Variants in PHF21A observed in about 807,000 individuals in gnomAD.
PHF21A encodes the protein BHC80a.
PHF21A carries 11 observed loss-of-function variants against 82.5 expected under a neutral mutation model. The ratio of observed to expected loss-of-function variants is 0.13; its 90% CI spans 0.08 to 0.22. The LOEUF (loss-of-function observed/expected upper bound fraction) is 0.22. PHF21A is among the 10% of genes least tolerant of loss of function. The probability of loss-of-function intolerance (pLI) is 1.00; values close to 1 mark genes in which losing one functional copy is unlikely to be tolerated. For missense variants in PHF21A, 579 were observed against 837.8 expected (o/e 0.69, Z 3.81); for synonymous variants, 297 against 302.8 (o/e 0.98, Z 0.20).
chr11:45,949,290 G>T, intron 13 of PHF21A, 112 bp downstream of exon 13: 1 of 871,390 alleles, frequency 1.1e-6, no homozygotes, highest in Non-Finnish European at 1.9e-6. Flanking sequence ...CACAGAACTG[G>T]CCAAGTACAA....
At chr11:45,947,109 T>C (rs2091411414) in intron 14 of PHF21A, among the ~76,000 whole-genome samples, 1 of 152,192 alleles carries the variant, frequency 6.6e-6, no homozygotes, top group South Asian at 2.1e-4. Flanking sequence ...TCAGCACTCC[T>C]AACTGAGAGA....
intron 6 of PHF21A, among the ~76,000 whole-genome samples, chr11:45,998,467 AT>A (rs2094988488): frequency 6.6e-6 from 1 of 152,182 alleles, no homozygotes; most frequent in Non-Finnish European, 1.5e-5. Flanking sequence ...TTCCACATCT[AT>A]TTTAGGAAAC....
intron 6 of PHF21A, chr11:46,049,564 A>C: frequency 4.4e-6 from 2 of 450,102 alleles, no homozygotes; most frequent in Non-Finnish European, 8.9e-6. Context: ...AAGGAGGGAT[A>C]GAAAGAGGAT....
intron 3 of PHF21A, among the ~76,000 whole-genome samples, chr11:46,086,366 G>C (rs976259367): frequency 1.3e-5 from 2 of 152,066 alleles, no homozygotes; most frequent in African/African-American, 4.8e-5. Context: ...TGATCCGCCC[G>C]TCCTGGCCTC....
intron 1 of PHF21A, among the ~76,000 whole-genome samples, chr11:46,113,290 T>C (rs980932631): frequency 6.6e-6 from 1 of 152,198 alleles, no homozygotes; most frequent in East Asian, 1.9e-4. Flanking sequence ...TATCAGAGTC[T>C]AATCAAATTT....
At chr11:46,009,919 G>C (rs527392286) in intron 6 of PHF21A, among the ~76,000 whole-genome samples, 1 of 152,322 alleles carries the variant, frequency 6.6e-6, no homozygotes, top group East Asian at 1.9e-4. Flanking sequence ...CCTTGAAACA[G>C]ATAAAGGGGC....
At chr11:45,964,230 T>TAATAATAATAATAAC (rs1359363051) in intron 10 of PHF21A, among the ~76,000 whole-genome samples, 6 of 148,372 alleles carry the variant, frequency 4.0e-5, no homozygotes, top group Non-Finnish European at 5.9e-5. Context: ...ATAATAATAA[T>TAATAATAATAATAAC]AATAATTTAT....
At chr11:46,034,220 C>CT (rs2095934210) in intron 6 of PHF21A, among the ~76,000 whole-genome samples, 2 of 146,728 alleles carry the variant, frequency 1.4e-5, no homozygotes, top group East Asian at 3.0e-4. Flanking sequence ...TTAGTGCCCC[C>CT]ACCCCCCCCT....
chr11:46,079,890 A>G (rs773420254), intron 4 of PHF21A, among the ~76,000 whole-genome samples: 2 of 152,072 alleles, frequency 1.3e-5, no homozygotes, highest in Non-Finnish European at 2.9e-5. Flanking sequence ...GGAAAGGAAA[A>G]GAAAGGAAAG....
chr11:45,969,182 A>G (rs1200081459), intron 9 of PHF21A, among the ~76,000 whole-genome samples: 1 of 152,174 alleles, frequency 6.6e-6, no homozygotes, highest in Non-Finnish European at 1.5e-5. Context: ...CTTCCTACCA[A>G]GGAAGTCAAC....
rs551650500 is a variant in PHF21A, at chr11:45,953,244, A to T, written c.1095+283T>A. Among the ~76,000 whole-genome samples, 17 of 152,340 alleles carry T rather than the reference A, an allele frequency of 1.1e-4. No homozygotes were observed. The South Asian group carries it at 2.5e-3, about 22-fold the overall frequency. ...TGGGAAAATCATCGCTCATCTTAAC[A>T]TTTCAAATTTGTAACATGCATATGA... On this transcript the variant is annotated intron_variant, in intron 11 of 18. Transcript: ENST00000676320.
chr11:45,934,803 C>T lies in PHF21A; in HGVS notation c.1789-578G>A, dbSNP rs1398883912. 6.6e-5 allele frequency: 23 copies of T among 349,046 alleles called. No individual in the cohort carries two copies. The Admixed American group carries it at 8.7e-4, about 13-fold the overall frequency. The allele number at this position is 349,046 out of a possible 1,614,324, so 21.6% of individuals were successfully genotyped here. On this transcript the variant is annotated intron_variant, in intron 18 of 18. Coordinates refer to ENST00000676320, the MANE Select transcript of PHF21A (RefSeq NM_001352027.3). ...TTCTGCTCAGCCGGGGACTTAGAGT[C>T]TTTTGCCCTTTTGCCCTCAGCTTCC...
rs898015812 is a variant in PHF21A, at chr11:45,930,054, T to C, written c.*3914A>G. ...CCATCTCATTACCCTAAGAGCCTTT[T>C]GCCCCTGGGTAAAAAGTCTCCTAAA... On this transcript the variant is annotated 3_prime_UTR_variant, in exon 19 of 19. Coordinates refer to ENST00000676320, the MANE Select transcript of PHF21A (RefSeq NM_001352027.3). 10 of 152,270 alleles carry C rather than the reference T, an allele frequency of 6.6e-5. No individual in the cohort carries two copies. Among genetic ancestry groups the C allele is most frequent in the African/African-American group, 1.7e-4 (7 of 41,462 alleles). 9.4% of individuals were successfully genotyped at this position (152,270 alleles called of 1,614,324 possible).
chr11:46,011,542 A>T (rs981832874), intron 6 of PHF21A, among the ~76,000 whole-genome samples: 17 of 152,172 alleles, frequency 1.1e-4, no homozygotes, highest in African/African-American at 4.1e-4. Flanking sequence ...GAAGATTGGC[A>T]ATTTCTAAGA....
chr11:46,073,900 T>A (rs148569754), intron 6 of PHF21A, among the ~76,000 whole-genome samples: 1 of 152,298 alleles, frequency 6.6e-6, no homozygotes, highest in African/African-American at 2.4e-5. Context: ...AAGTTACACT[T>A]TAAAAGCACT....
chr11:45,960,639 T>C (rs975549389), intron 10 of PHF21A, among the ~76,000 whole-genome samples: 3 of 152,202 alleles, frequency 2.0e-5, no homozygotes, highest in African/African-American at 7.2e-5. Flanking sequence ...ACTGTGAATA[T>C]ACTAAATGCC....
rs777225582 is a variant in PHF21A at position 45,971,266 on chromosome 11, A to T, written c.462T>A (p.Pro154=). ...TMPASVVGQR[P]TIAMVTAINS... Reference sequence around the variant, plus strand: ...TGATGGCGGTCACCATAGCAATGGTAGGTCTCTGGCCCACCACAGAGGCAG... The same window carrying T: ...TGATGGCGGTCACCATAGCAATGGTTGGTCTCTGGCCCACCACAGAGGCAG... The change falls in exon 8 of 19, where the codon CCT becomes CCA. Residue 154 remains proline (P), a synonymous_variant. Transcript: ENST00000676320. 2 of 1,614,208 alleles carry T rather than the reference A, an allele frequency of 1.2e-6. No individual in the cohort carries two copies. Among genetic ancestry groups the T allele is most frequent in the African/African-American group, 2.7e-5 (2 of 75,066 alleles).
At chr11:46,109,648 A>G (rs2097189215) in intron 1 of PHF21A, among the ~76,000 whole-genome samples, 1 of 152,216 alleles carries the variant, frequency 6.6e-6, no homozygotes, top group Non-Finnish European at 1.5e-5. Context: ...TATACTGTTA[A>G]GAACTACACC....
At chr11:45,936,660 C>T in intron 16 of PHF21A, 91 bp from the exon 17 acceptor site, 8 of 841,094 alleles carry the variant, frequency 9.5e-6, no homozygotes, top group Non-Finnish European at 1.6e-5. Flanking sequence ...TGGCTACTGG[C>T]AGATAAAATC....
Sources: allele counts gnomAD v4.1 joint callset (sites outside exome capture counted in the v4.1 genomes callset), GRCh38; gene constraint gnomAD v4.1.1; transcripts MANE v1.5; gene names NCBI Gene and HGNC (gene_info 2026-07-23, HGNC 2026-07-21).